Variants in TNFAIP8 observed in about 807,000 individuals in gnomAD.
The protein encoded by TNFAIP8 is tumor necrosis factor alpha-induced protein 8.
Under a neutral mutation model 13.3 loss-of-function variants are expected in TNFAIP8, and 7 were observed. That is an observed-to-expected ratio of 0.52 (90% CI 0.30 to 0.99). The LOEUF (loss-of-function observed/expected upper bound fraction) is 0.99, where lower values mean the gene tolerates loss of function less well. Ranked by LOEUF, TNFAIP8 falls within the 50% of genes least tolerant of loss-of-function variation. TNFAIP8 has a pLI of 0.07. For missense variants in TNFAIP8, 258 were observed against 236.9 expected (o/e 1.09, Z -0.58); for synonymous variants, 94 against 87.6 (o/e 1.07, Z -0.41).
At chr5:119,342,798 C>T (rs745506964) in intron 1 of TNFAIP8, among the ~76,000 whole-genome samples, 11 of 152,196 alleles carry the variant, frequency 7.2e-5, no homozygotes, top group Non-Finnish European at 1.5e-4. Flanking sequence ...TCCCTCTCTT[C>T]CTCTTCTTTG....
upstream of TNFAIP8, among the ~76,000 whole-genome samples, chr5:119,353,006 G>T (rs1403682209): frequency 2.0e-5 from 3 of 152,148 alleles, no homozygotes; most frequent in East Asian, 5.8e-4. Flanking sequence ...ACAAAAGGTG[G>T]GAGTTCCATT....
At chr5:119,358,338 AG>A (rs1243973789) in intron 1 of TNFAIP8, among the ~76,000 whole-genome samples, 3 of 152,190 alleles carry the variant, frequency 2.0e-5, no homozygotes, top group Non-Finnish European at 4.4e-5. Context: ...TGAATGTAGA[AG>A]CAAATGACTG....
upstream of TNFAIP8, among the ~76,000 whole-genome samples, chr5:119,353,207 C>G (rs918397080): frequency 1.3e-5 from 2 of 152,170 alleles, no homozygotes; most frequent in Non-Finnish European, 2.9e-5. Flanking sequence ...ATCAACAAGT[C>G]CCACCTACAG....
chr5:119,340,181 C>T (rs1750691264), intron 1 of TNFAIP8, among the ~76,000 whole-genome samples: 1 of 152,180 alleles, frequency 6.6e-6, no homozygotes, highest in Non-Finnish European at 1.5e-5. Flanking sequence ...TATCGGATTC[C>T]AAACTCCACA....
chr5:119,316,001 C>T (rs1397216709), intron 1 of TNFAIP8, among the ~76,000 whole-genome samples: 2 of 152,138 alleles, frequency 1.3e-5, no homozygotes. Flanking sequence ...TTCTGTCTTC[C>T]TACCTGTGAG....
chr5:119,381,344 C>T (rs957227861), intron 1 of TNFAIP8, among the ~76,000 whole-genome samples: 3 of 152,028 alleles, frequency 2.0e-5, no homozygotes, highest in African/African-American at 7.2e-5. Context: ...GGTTCAAGAC[C>T]ATCGTAGGCA....
At chr5:119,313,866 A>AACAC (rs1749805294) in intron 1 of TNFAIP8, among the ~76,000 whole-genome samples, 1 of 152,264 alleles carries the variant, frequency 6.6e-6, no homozygotes, top group Non-Finnish European at 1.5e-5. Context: ...GCTAAAGTGT[A>AACAC]TGCTGCTGAC....
At chr5:119,359,556 C>CAAA (rs113256177) in intron 1 of TNFAIP8, among the ~76,000 whole-genome samples, 2 of 141,932 alleles carry the variant, frequency 1.4e-5, no homozygotes, top group Admixed American at 1.4e-4. Context: ...TAATCCTTGG[C>CAAA]AAAAAAAAAA....
chr5:119,349,534 C>G (rs187141018), intron 1 of TNFAIP8, among the ~76,000 whole-genome samples: 3 of 152,196 alleles, frequency 2.0e-5, no homozygotes, highest in Non-Finnish European at 4.4e-5. Flanking sequence ...TCCGCTGATG[C>G]GGGTGTCAGT....
intron 1 of TNFAIP8, among the ~76,000 whole-genome samples, chr5:119,369,746 T>C (rs1339580255): frequency 6.6e-6 from 1 of 152,222 alleles, no homozygotes; most frequent in Non-Finnish European, 1.5e-5. Flanking sequence ...ATTGTGCATA[T>C]GGGGTGACCT....
At chr5:119,287,280 G>GT (rs58452491) in intron 1 of TNFAIP8, among the ~76,000 whole-genome samples, 10,868 of 109,168 alleles carry the variant, frequency 0.1, 1,213 homozygotes, top group African/African-American at 0.22. Flanking sequence ...CAGTAACCAA[G>GT]TTTTTTTTTT....
chr5:119,351,508 G>T (rs1372203034), upstream of TNFAIP8, among the ~76,000 whole-genome samples: 1 of 152,126 alleles, frequency 6.6e-6, no homozygotes, highest in Admixed American at 6.5e-5. Flanking sequence ...GTAGGCTAAT[G>T]TAAGTGTTCC....
At chr5:119,306,353 G>A (rs1178568959) in intron 1 of TNFAIP8, 2 of 129,604 alleles carry the variant, frequency 1.5e-5, no homozygotes, top group African/African-American at 3.3e-5. Context: ...AAGATGGGGT[G>A]TCTCTATGTT....
chr5:119,374,206 A>G (rs1269227271), intron 1 of TNFAIP8, among the ~76,000 whole-genome samples: 1 of 151,510 alleles, frequency 6.6e-6, no homozygotes, highest in African/African-American at 2.4e-5. Flanking sequence ...TTTTTTTCAG[A>G]TTTTTGGAAT....
chr5:119,343,262 G>A (rs947584553), intron 1 of TNFAIP8, among the ~76,000 whole-genome samples: 2 of 152,210 alleles, frequency 1.3e-5, no homozygotes, highest in South Asian at 2.1e-4. Flanking sequence ...TAAGGATGTC[G>A]AAGGAAGTGC....
In TNFAIP8 at chr5:119,304,650, C is replaced by T. The variant is rs560067887; in HGVS notation, c.1+35743C>T. On this transcript the variant is annotated intron_variant, in intron 1 of 1. Transcript: ENST00000274456. ...TGCAAAGACCACGATTGCATGAGCT[C>T]ACTTCTATGAGATGAAAGTAACATA... Among the ~76,000 whole-genome samples the T allele has an allele frequency of 6.6e-5, 10 of 152,336 alleles. No homozygotes were observed. The South Asian group carries it at 2.1e-3, about 32-fold the overall frequency.
chr5:119,329,166 C>T (rs780649753), intron 1 of TNFAIP8, among the ~76,000 whole-genome samples: 1 of 152,206 alleles, frequency 6.6e-6, no homozygotes, highest in Non-Finnish European at 1.5e-5. Flanking sequence ...CTGTTTTCCT[C>T]GCTTGTGAAA....
chr5:119,293,768 C>G (rs750579499), intron 1 of TNFAIP8, among the ~76,000 whole-genome samples: 18 of 152,058 alleles, frequency 1.2e-4, no homozygotes, highest in Admixed American at 5.2e-4. Flanking sequence ...ACAAGATTGG[C>G]AAAATACTGG....
At chr5:119,375,562 C>T (rs1752247778) in intron 1 of TNFAIP8, among the ~76,000 whole-genome samples, 1 of 152,066 alleles carries the variant, frequency 6.6e-6, no homozygotes, top group Admixed American at 6.5e-5. Flanking sequence ...TTTTGGAAAA[C>T]GTTTTTCAGT....
Sources: allele counts gnomAD v4.1 joint callset (sites outside exome capture counted in the v4.1 genomes callset), GRCh38; gene constraint gnomAD v4.1.1; transcripts MANE v1.5; gene names NCBI Gene and HGNC (gene_info 2026-07-23, HGNC 2026-07-21).